DIP2C: variants seen among roughly 807,000 people sequenced by gnomAD.
DIP2C encodes DIP2 acetate--CoA ligase C (putative).
Under a neutral mutation model 192.4 loss-of-function variants are expected in DIP2C, and 33 were observed. That is an observed-to-expected ratio of 0.17 (90% CI 0.13 to 0.23). The LOEUF (loss-of-function observed/expected upper bound fraction) is 0.23, where lower values mean the gene tolerates loss of function less well. DIP2C is among the 10% of genes least tolerant of loss of function. DIP2C has a pLI of 1.00. For missense variants in DIP2C, 1,537 were observed against 2,110.1 expected (o/e 0.73, Z 5.32); for synonymous variants, 979 against 864.1 (o/e 1.13, Z -2.33).
At chr10:641,308 G>A (rs946120795) in intron 1 of DIP2C, among the ~76,000 whole-genome samples, 8 of 152,128 alleles carry the variant, frequency 5.3e-5, no homozygotes, top group African/African-American at 1.2e-4. Flanking sequence ...CATCCAGGCA[G>A]GTCTTGTGAC....
chr10:560,288 C>T (rs139919016), intron 1 of DIP2C, among the ~76,000 whole-genome samples: 3 of 152,020 alleles, frequency 2.0e-5, no homozygotes, highest in East Asian at 1.9e-4. Context: ...AGGGGAGGTT[C>T]GGAGAATGAG....
In DIP2C at chr10:417,781, G is replaced by A. The variant is rs377250637; in HGVS notation, c.739+1284C>T. On this transcript the variant is annotated intron_variant, in intron 6 of 36. Transcript: ENST00000280886. ...ATCCCTGTCCACCTGCACCTGTCAG[G>A]GCTCGGATAGGCCTCCCTGTCCACC... 7.3e-3 allele frequency among the ~76,000 whole-genome samples: 506 copies of A among 69,710 alleles called. 80 individuals carry two copies. Among genetic ancestry groups the A allele is most frequent in the African/African-American group, 0.013 (220 of 16,782 alleles). 45.7% of individuals were successfully genotyped at this position (69,710 alleles called of 152,430 possible). A position where few individuals can be genotyped will look rare whatever the true frequency, so the allele number is the denominator to read the frequency against.
At position 477,145 on chromosome 10, in the gene DIP2C, G is replaced by A. The variant is rs1050745010; in HGVS notation, c.158-4596C>T. On this transcript the variant is annotated intron_variant, in intron 2 of 36. Coordinates refer to ENST00000280886, the MANE Select transcript of DIP2C (RefSeq NM_014974.3). Reference sequence around the variant, plus strand: ...AAAAGAAGGCAGTGAGGCCAGCACAGGAAGAAGGAAAAGGTCAAAGAAACA... The same window carrying A: ...AAAAGAAGGCAGTGAGGCCAGCACAAGAAGAAGGAAAAGGTCAAAGAAACA... Among the ~76,000 whole-genome samples, 4 of 147,940 alleles carry A rather than the reference G, an allele frequency of 2.7e-5. No individual in the cohort carries two copies. The Admixed American group carries it at 2.7e-4, about 10-fold the overall frequency.
At chr10:396,430 A>T (rs1457868059) in intron 10 of DIP2C, among the ~76,000 whole-genome samples, 1 of 152,232 alleles carries the variant, frequency 6.6e-6, no homozygotes, top group African/African-American at 2.4e-5. Context: ...TAACATGGAT[A>T]AATACAAATT....
chr10:389,802 G>C (rs1963309380), intron 13 of DIP2C, among the ~76,000 whole-genome samples, 189 bp downstream of exon 13: 1 of 152,274 alleles, frequency 6.6e-6, no homozygotes, highest in South Asian at 2.1e-4. Context: ...TGCTGTTGAA[G>C]CCGCCCAGTC....
intron 3 of DIP2C, among the ~76,000 whole-genome samples, chr10:468,075 G>C (rs182895917): frequency 5.9e-5 from 9 of 152,238 alleles, no homozygotes; most frequent in East Asian, 5.8e-4. Context: ...CTTTCCTTGT[G>C]AATGATTCCA....
chr10:362,066 G>A (rs749782216), intron 22 of DIP2C, among the ~76,000 whole-genome samples: 19 of 145,282 alleles, frequency 1.3e-4, no homozygotes, highest in Non-Finnish European at 2.6e-4. Flanking sequence ...TGGTGTGGGG[G>A]AAAAAAAAAA....
chr10:543,436 G>A (rs189047211), intron 1 of DIP2C, among the ~76,000 whole-genome samples: 194 of 152,328 alleles, frequency 1.3e-3, no homozygotes, highest in East Asian at 5.6e-3. Flanking sequence ...TGACGTTGCC[G>A]TGACCACATC....
At chr10:410,706 G>T (rs149750702) in intron 8 of DIP2C, among the ~76,000 whole-genome samples, 1,759 of 152,334 alleles carry the variant, frequency 0.012, 18 homozygotes, top group Non-Finnish European at 0.015. Context: ...TCTAGTTTGT[G>T]AAAGTTTCAA....
At chr10:472,045 A>G (rs1314979794) in intron 3 of DIP2C, among the ~76,000 whole-genome samples, 1 of 152,256 alleles carries the variant, frequency 6.6e-6, no homozygotes, top group African/African-American at 2.4e-5. Flanking sequence ...CAGGAAACAC[A>G]TAACAATGTA....
chr10:361,115 C>T (rs555626424), intron 22 of DIP2C, among the ~76,000 whole-genome samples: 43 of 152,334 alleles, frequency 2.8e-4, no homozygotes, highest in African/African-American at 1.0e-3. Flanking sequence ...TTTTTAAAGA[C>T]ACAAAATTAT....
At chr10:368,731 G>A (rs1261835038) in intron 18 of DIP2C, among the ~76,000 whole-genome samples, 2 of 152,198 alleles carry the variant, frequency 1.3e-5, no homozygotes, top group East Asian at 3.9e-4. Context: ...AGCACTGCTC[G>A]CACAGGCATG....
At chr10:395,389 TCA>T (rs1963905582) in intron 10 of DIP2C, among the ~76,000 whole-genome samples, 1 of 152,150 alleles carries the variant, frequency 6.6e-6, no homozygotes, top group East Asian at 1.9e-4. Flanking sequence ...TATCAGAACA[TCA>T]CACTCTACCC....
intron 31 of DIP2C, among the ~76,000 whole-genome samples, chr10:320,477 C>G (rs1443153795): frequency 1.3e-5 from 2 of 148,444 alleles, no homozygotes; most frequent in African/African-American, 2.5e-5. Context: ...CATTACACTC[C>G]AGCCTGGATG....
chr10:413,447 G>C (rs943078513), intron 8 of DIP2C, among the ~76,000 whole-genome samples: 1 of 152,198 alleles, frequency 6.6e-6, no homozygotes, highest in Non-Finnish European at 1.5e-5. Flanking sequence ...AATCACACAT[G>C]TATTTAAGAT....
chr10:577,773 G>A (rs925051137), intron 1 of DIP2C, among the ~76,000 whole-genome samples: 1 of 152,032 alleles, frequency 6.6e-6, no homozygotes, highest in African/African-American at 2.4e-5. Context: ...GAGGAACTTG[G>A]CTGAGACTAA....
intron 9 of DIP2C, among the ~76,000 whole-genome samples, chr10:403,731 T>A (rs1964586977): frequency 6.6e-6 from 1 of 151,150 alleles, no homozygotes; most frequent in South Asian, 2.2e-4. Context: ...ATGGACAAGT[T>A]TGGTACATTT....
At chr10:603,579 C>G (rs1412772641) in intron 1 of DIP2C, among the ~76,000 whole-genome samples, 2 of 152,192 alleles carry the variant, frequency 1.3e-5, no homozygotes, top group Admixed American at 6.5e-5. Flanking sequence ...CATAGAACCA[C>G]AGAAGACACT....
intron 1 of DIP2C, among the ~76,000 whole-genome samples, chr10:653,183 T>C (rs1588687395): frequency 6.6e-6 from 1 of 151,520 alleles, no homozygotes; most frequent in South Asian, 2.1e-4. Context: ...GCACAGTGGC[T>C]CATGCCTATA....
Sources: allele counts gnomAD v4.1 joint callset (sites outside exome capture counted in the v4.1 genomes callset), GRCh38; gene constraint gnomAD v4.1.1; transcripts MANE v1.5; gene names NCBI Gene and HGNC (gene_info 2026-07-23, HGNC 2026-07-21).